Variants in ADD1 observed in about 807,000 individuals in gnomAD.
The protein encoded by ADD1 is alpha-adducin.
In ADD1, 24 loss-of-function variants were observed where a neutral mutation model predicts 80.5. That is an observed-to-expected ratio of 0.30 (90% CI 0.22 to 0.42). ADD1 has a LOEUF of 0.42. ADD1 is among the 10% of genes least tolerant of loss of function. ADD1 has a pLI of 1.00. For synonymous variants in ADD1, 373 were observed against 393.8 expected (o/e 0.95, Z 0.63); for missense variants, 948 against 1,019.0 (o/e 0.93, Z 0.95).
rs1712300296 is a variant in ADD1, at chr4:2,928,364, A to G, written c.2241A>G (p.Pro747=). The G allele has an allele frequency of 6.2e-7, 1 of 1,613,422 alleles. No homozygotes were observed. Among genetic ancestry groups the G allele is most frequent in the Non-Finnish European group, 8.5e-7 (1 of 1,179,824 alleles). Residue 747 remains proline, a synonymous_variant, in exon 16 of 16, where the codon CCA becomes CCG. Transcript: ENST00000683351. The part of the protein sequence containing the change: ...TEASPEPAPD[P]APVAEEAAPS... ...CCAGCCCCGAGCCAGCCCCAGACCC[A>G]GCCCCGGTGGCTGAAGAGGCTGCCC...
At chr4:2,878,863 A>T (rs1233858530) in intron 2 of ADD1, among the ~76,000 whole-genome samples, 1 of 152,106 alleles carries the variant, frequency 6.6e-6, no homozygotes. Flanking sequence ...CCAGTGAGGG[A>T]GTTCAGAACA....
At chr4:2,923,695 A>G (rs1740480317) in intron 14 of ADD1, among the ~76,000 whole-genome samples, 1 of 152,270 alleles carries the variant, frequency 6.6e-6, no homozygotes, top group South Asian at 2.1e-4. Flanking sequence ...ATTAACACTC[A>G]GCATTGCTGA....
chr4:2,911,008 G>A (rs1212412449), intron 13 of ADD1, among the ~76,000 whole-genome samples: 4 of 152,112 alleles, frequency 2.6e-5, no homozygotes, highest in Admixed American at 6.5e-5. Flanking sequence ...ATGTGCTTTG[G>A]CTCCATGGGA....
At chr4:2,893,937 C>T (rs750618380) in intron 4 of ADD1, 76 bp from the exon 5 acceptor site, 50 of 1,376,314 alleles carry the variant, frequency 3.6e-5, no homozygotes, top group South Asian at 2.3e-4. Context: ...TGAACAAACC[C>T]GTGAATTTGT....
In ADD1 at chr4:2,880,775, G is replaced by A. The variant is rs142238271; in HGVS notation, c.196-1123G>A. 3.1e-3 allele frequency among the ~76,000 whole-genome samples: 467 copies of A among 151,748 alleles called. 1 individual carries two copies. Among genetic ancestry groups the A allele is most frequent in the African/African-American group, 0.011 (454 of 41,426 alleles). On this transcript the variant is annotated intron_variant, in intron 2 of 15. Transcript: ENST00000683351. The stretch of plus-strand genomic sequence containing the variant: ...CAGGCGTGAGCCACCATGCCTGGCC[G>A]ATATTTATTTCTTTGCAGGGTATGT...
intron 1 of ADD1, among the ~76,000 whole-genome samples, chr4:2,856,276 C>T (rs1728047526): frequency 6.6e-6 from 1 of 152,062 alleles, no homozygotes; most frequent in African/African-American, 2.4e-5. Context: ...TGGAGTTATC[C>T]TACTGCTCTC....
At chr4:2,908,813 C>G in intron 12 of ADD1, 2 of 588,084 alleles carry the variant, frequency 3.4e-6, no homozygotes, top group East Asian at 5.7e-5. Flanking sequence ...GTGTCCACCC[C>G]TCTGGTCATG....
chr4:2,854,303 G>A (rs1305650372), intron 1 of ADD1, among the ~76,000 whole-genome samples: 3 of 152,126 alleles, frequency 2.0e-5, no homozygotes, highest in Admixed American at 1.3e-4. Flanking sequence ...CAGTCTGGGC[G>A]ACAGAATGAG....
chr4:2,881,507 T>G (rs569544255), intron 2 of ADD1: 55 of 158,518 alleles, frequency 3.5e-4, no homozygotes, highest in Admixed American at 5.8e-4. Flanking sequence ...TTAAGTTTTT[T>G]TAGCTTTTCA....
In ADD1 at chr4:2,928,618, A is replaced by G. The variant is rs549198437; in HGVS notation, c.*95A>G. The G allele has an allele frequency of 4.7e-5, 65 of 1,393,834 alleles. 1 individual carries two copies. The Admixed American group carries it at 7.5e-4, about 16-fold the overall frequency. 86.3% of individuals were successfully genotyped at this position (1,393,834 alleles called of 1,614,324 possible). ...CTCTGTCCTTGTGTAATGGAATGCA[A>G]AAAAGCCAAGCCCTCCGCCTAGAGG... On this transcript the variant is annotated 3_prime_UTR_variant, in exon 16 of 16. Transcript: ENST00000683351.
chr4:2,901,750 A>C (rs1233577772), intron 9 of ADD1: 1 of 152,176 alleles, frequency 6.6e-6, no homozygotes, highest in African/African-American at 2.4e-5. Context: ...CAGCCTGGGC[A>C]ACATAGCGAG....
chr4:2,922,589 G>T (rs906352816), intron 14 of ADD1, among the ~76,000 whole-genome samples: 2 of 152,226 alleles, frequency 1.3e-5, no homozygotes, highest in Non-Finnish European at 2.9e-5. Flanking sequence ...CTGCCGGGAG[G>T]TGTCTCCCAG....
chr4:2,911,384 G>A (rs1737991808), intron 13 of ADD1, among the ~76,000 whole-genome samples: 1 of 151,804 alleles, frequency 6.6e-6, no homozygotes, highest in Non-Finnish European at 1.5e-5. Flanking sequence ...CCCAGCCGAA[G>A]GCTGTGTTGA....
intron 1 of ADD1, among the ~76,000 whole-genome samples, chr4:2,861,665 C>T (rs1161687212): frequency 6.6e-6 from 1 of 152,130 alleles, no homozygotes; most frequent in Non-Finnish European, 1.5e-5. Context: ...TAAAAATGCT[C>T]ATGCCCAAGC....
intron 12 of ADD1, chr4:2,908,910 T>C: frequency 2.1e-6 from 1 of 475,896 alleles, no homozygotes; most frequent in Admixed American, 3.5e-5. Context: ...CAGCGTTCTG[T>C]GTAAGGCGCT....
rs757352719 is a variant in ADD1 at position 2,881,903 on chromosome 4, C to T, written c.201C>T (p.Phe67=). Residue 67 remains phenylalanine (F), a synonymous_variant, in exon 3 of 16, where the codon TTC becomes TTT. Coordinates refer to ENST00000683351, the MANE Select transcript of ADD1 (RefSeq NM_001354761.2). ...RVSMILQSPA[F]CEELESMIQE... is the part of the protein sequence containing the mutation. ...GTTTTAATATTTTTTATTAGGCTTTCTGTGAAGAATTGGAATCAATGATAC... is the reference window on the plus strand; with the variant it reads ...GTTTTAATATTTTTTATTAGGCTTTTTGTGAAGAATTGGAATCAATGATAC... 5.7e-6 allele frequency: 9 copies of T among 1,590,292 alleles called. No homozygotes were observed. In the Admixed American group the frequency reaches 1.7e-4, roughly 30 times the overall value.
At chr4:2,877,042 T>C (rs1731467273) in intron 2 of ADD1, among the ~76,000 whole-genome samples, 1 of 151,710 alleles carries the variant, frequency 6.6e-6, no homozygotes, top group South Asian at 2.1e-4. Context: ...CTCCTGGGTG[T>C]ATGGTCAGCC....
In ADD1 at chr4:2,880,251, C is replaced by T. The variant is rs1032689783; in HGVS notation, c.196-1647C>T. 2.6e-5 allele frequency among the ~76,000 whole-genome samples: 4 copies of T among 152,004 alleles called. No individual in the cohort carries two copies. The South Asian group carries it at 6.2e-4, about 24-fold the overall frequency. ...GAGGGCTCTTGACAGACATTCTATT[C>T]TACCCTTAATTAACAGCAATACATC... On this transcript the variant is annotated intron_variant, in intron 2 of 15. Transcript: ENST00000683351.
intron 13 of ADD1, among the ~76,000 whole-genome samples, chr4:2,911,707 C>G (rs1369249903): frequency 6.6e-6 from 1 of 152,132 alleles, no homozygotes; most frequent in Non-Finnish European, 1.5e-5. Flanking sequence ...CCACCTGACT[C>G]AGCCTCCCAA....
Sources: allele counts gnomAD v4.1 joint callset (sites outside exome capture counted in the v4.1 genomes callset), GRCh38; gene constraint gnomAD v4.1.1; transcripts MANE v1.5; gene names NCBI Gene and HGNC (gene_info 2026-07-23, HGNC 2026-07-21).